Variants in GPR158 observed in about 807,000 individuals in gnomAD.
GPR158 encodes the protein metabotropic glycine receptor.
Under a neutral mutation model 78.2 loss-of-function variants are expected in GPR158, and 30 were observed. The ratio of observed to expected loss-of-function variants is 0.38; its 90% CI spans 0.29 to 0.52. The LOEUF (loss-of-function observed/expected upper bound fraction) is 0.52, where lower values mean the gene tolerates loss of function less well. GPR158 is among the 20% of genes least tolerant of loss of function. GPR158 has a pLI of 0.83. For missense variants in GPR158, 1,463 were observed against 1,523.5 expected (o/e 0.96, Z 0.66); for synonymous variants, 581 against 591.1 (o/e 0.98, Z 0.25).
chr10:25,199,082 T>C (rs1013969400), intron 1 of GPR158, among the ~76,000 whole-genome samples: 2 of 151,576 alleles, frequency 1.3e-5, no homozygotes, highest in African/African-American at 4.9e-5. Context: ...CAAACATGCT[T>C]GGTTGAATAG....
chr10:25,541,764 G>C (rs971762412), intron 5 of GPR158, among the ~76,000 whole-genome samples: 4 of 151,782 alleles, frequency 2.6e-5, no homozygotes, highest in African/African-American at 9.7e-5. Context: ...ACAAGGTTTA[G>C]TTTAGTACTA....
intron 5 of GPR158, among the ~76,000 whole-genome samples, chr10:25,473,081 G>A (rs1437963486): frequency 1.3e-5 from 2 of 152,018 alleles, no homozygotes; most frequent in East Asian, 1.9e-4. Flanking sequence ...GTATGACATT[G>A]GCTGTGGGTT....
chr10:25,305,386 T>G (rs1338301079), intron 2 of GPR158, among the ~76,000 whole-genome samples: 1 of 152,170 alleles, frequency 6.6e-6, no homozygotes, highest in Non-Finnish European at 1.5e-5. Flanking sequence ...AAGAGTAAGA[T>G]TACATCACAG....
intron 1 of GPR158, among the ~76,000 whole-genome samples, chr10:25,181,130 T>C (rs907432608): frequency 4.6e-5 from 7 of 152,188 alleles, no homozygotes; most frequent in Non-Finnish European, 7.3e-5. Context: ...ATACCCTATG[T>C]CTTTCTTATA....
intron 2 of GPR158, among the ~76,000 whole-genome samples, chr10:25,392,133 C>G (rs1292172024): frequency 6.6e-6 from 1 of 152,086 alleles, no homozygotes; most frequent in African/African-American, 2.4e-5. Context: ...TGTAAATTAC[C>G]CAGTCTTGGG....
chr10:25,479,881 A>G lies in GPR158; in HGVS notation c.1404+13162A>G, dbSNP rs75598878. ...TAAGTTATGGATACATCACATTTATATATCTTTGTCCTTTCCCATTTTATT... is the reference window on the plus strand; with the variant it reads ...TAAGTTATGGATACATCACATTTATGTATCTTTGTCCTTTCCCATTTTATT... On this transcript the variant is annotated intron_variant, in intron 5 of 10. Transcript: ENST00000376351. 0.051 allele frequency among the ~76,000 whole-genome samples: 7,757 copies of G among 151,958 alleles called. 918 individuals carry two copies. In the East Asian group the frequency reaches 0.54, roughly 11 times the overall value.
At chr10:25,235,922 A>G (rs951722446) in intron 2 of GPR158, among the ~76,000 whole-genome samples, 2 of 151,750 alleles carry the variant, frequency 1.3e-5, no homozygotes, top group Non-Finnish European at 2.9e-5. Context: ...GGTGTCAATC[A>G]TCTGACCTTG....
chr10:25,322,139 T>C (rs1854958339), intron 2 of GPR158, among the ~76,000 whole-genome samples: 1 of 152,136 alleles, frequency 6.6e-6, no homozygotes, highest in Non-Finnish European at 1.5e-5. Context: ...TCCAGCACTT[T>C]GGGAGGCTGA....
chr10:25,190,767 A>G (rs969813706), intron 1 of GPR158, among the ~76,000 whole-genome samples: 1 of 152,252 alleles, frequency 6.6e-6, no homozygotes, highest in Non-Finnish European at 1.5e-5. Context: ...ATGATAAAAA[A>G]GAATGTTTAA....
chr10:25,283,661 A>G (rs956113785), intron 2 of GPR158, among the ~76,000 whole-genome samples: 1 of 151,664 alleles, frequency 6.6e-6, no homozygotes, highest in Non-Finnish European at 1.5e-5. Context: ...TTGGGACTTA[A>G]TTTCTTCTTT....
intron 2 of GPR158, among the ~76,000 whole-genome samples, chr10:25,228,931 A>G (rs1002155490): frequency 2.6e-5 from 4 of 151,386 alleles, no homozygotes; most frequent in Non-Finnish European, 4.4e-5. Context: ...GCTACTCGGG[A>G]GGCTGAGGTA....
intron 2 of GPR158, among the ~76,000 whole-genome samples, chr10:25,253,143 G>A (rs1024783022): frequency 1.3e-5 from 2 of 152,238 alleles, no homozygotes; most frequent in Non-Finnish European, 2.9e-5. Context: ...GCGCTTCCCA[G>A]GTGAGGCAAT....
chr10:25,497,871 T>C (rs1045018938), intron 5 of GPR158, among the ~76,000 whole-genome samples: 4 of 152,220 alleles, frequency 2.6e-5, no homozygotes, highest in African/African-American at 9.6e-5. Flanking sequence ...CTCTTAAATA[T>C]GTCATCAAGA....
chr10:25,395,514 A>G (rs894980562), intron 2 of GPR158, among the ~76,000 whole-genome samples: 3 of 152,126 alleles, frequency 2.0e-5, no homozygotes, highest in African/African-American at 7.2e-5. Flanking sequence ...CTGCCTATCT[A>G]CCCACCTACC....
chr10:25,234,974 G>T (rs552418959), intron 2 of GPR158, among the ~76,000 whole-genome samples: 2 of 151,014 alleles, frequency 1.3e-5, no homozygotes, highest in East Asian at 4.0e-4. Flanking sequence ...TGTTGAAATA[G>T]TTCAGAGATT....
chr10:25,250,943 C>A (rs962719507), intron 2 of GPR158, among the ~76,000 whole-genome samples: 4,116 of 149,596 alleles, frequency 0.028, 130 homozygotes, highest in African/African-American at 0.07. Context: ...ATTGTGTGGG[C>A]GTCTAAGTCT....
intron 5 of GPR158, among the ~76,000 whole-genome samples, chr10:25,494,626 T>G (rs891268224): frequency 6.6e-6 from 1 of 152,174 alleles, no homozygotes; most frequent in African/African-American, 2.4e-5. Flanking sequence ...AGTACCAAAA[T>G]TTATTTAAGT....
chr10:25,370,396 T>C (rs897665820), intron 2 of GPR158, among the ~76,000 whole-genome samples: 4 of 82,960 alleles, frequency 4.8e-5, no homozygotes, highest in Admixed American at 1.0e-4. Flanking sequence ...TCAAAGAACA[T>C]CTTTATTTCT....
At chr10:25,422,306 A>T (rs1354294915) in intron 4 of GPR158, among the ~76,000 whole-genome samples, 1 of 152,168 alleles carries the variant, frequency 6.6e-6, no homozygotes, top group Non-Finnish European at 1.5e-5. Context: ...GTGAGCCAGC[A>T]TTACCACCTA....
Sources: allele counts gnomAD v4.1 joint callset (sites outside exome capture counted in the v4.1 genomes callset), GRCh38; gene constraint gnomAD v4.1.1; transcripts MANE v1.5; gene names NCBI Gene and HGNC (gene_info 2026-07-23, HGNC 2026-07-21).